The following RAB2A variants were observed in gnomAD, a reference collection of about 807,000 sequenced individuals.
RAB2A encodes the protein RAB2A, member RAS oncogene family, also known as ras-related protein Rab-2A.
Under a neutral mutation model 32.5 loss-of-function variants are expected in RAB2A, and 7 were observed. That is an observed-to-expected ratio of 0.22 (90% CI 0.12 to 0.40). The LOEUF (loss-of-function observed/expected upper bound fraction) is 0.40. Among genes scored for constraint, RAB2A ranks in the 10% least tolerant of loss-of-function variants. The pLI is 1.00. For synonymous variants in RAB2A, 79 were observed against 85.2 expected (o/e 0.93, Z 0.40); for missense variants, 108 against 260.7 (o/e 0.41, Z 4.03).
At chr8:60,551,655 A>G (rs768686680) in intron 1 of RAB2A, among the ~76,000 whole-genome samples, 4 of 152,178 alleles carry the variant, frequency 2.6e-5, no homozygotes, top group Non-Finnish European at 5.9e-5. Context: ...AGTGACATTC[A>G]GTAGAAACTG....
At chr8:60,576,852 G>T (rs1586092863) in intron 3 of RAB2A, among the ~76,000 whole-genome samples, 1 of 152,070 alleles carries the variant, frequency 6.6e-6, no homozygotes, top group Non-Finnish European at 1.5e-5. Flanking sequence ...GAGTTGAGGG[G>T]CTTAGAGCTC....
At chr8:60,557,535 C>A (rs371046677) in intron 1 of RAB2A, among the ~76,000 whole-genome samples, 2 of 151,804 alleles carry the variant, frequency 1.3e-5, no homozygotes, top group Admixed American at 6.6e-5. Context: ...AACAAACAAA[C>A]AAAAAAAGAT....
At chr8:60,613,044 G>C (rs1804384704) in intron 6 of RAB2A, among the ~76,000 whole-genome samples, 1 of 152,178 alleles carries the variant, frequency 6.6e-6, no homozygotes, top group Non-Finnish European at 1.5e-5. Context: ...CTAGTCTGCT[G>C]TGCTTTTCAC....
At chr8:60,526,052 T>TATATATATATAA (rs1385463713) in intron 1 of RAB2A, among the ~76,000 whole-genome samples, 1 of 121,788 alleles carries the variant, frequency 8.2e-6, no homozygotes, top group Non-Finnish European at 1.7e-5. Context: ...TATATATATA[T>TATATATATATAA]ATATAAGTTT....
intron 5 of RAB2A, among the ~76,000 whole-genome samples, chr8:60,591,467 T>G (rs1803943022): frequency 1.3e-5 from 2 of 152,334 alleles, no homozygotes; most frequent in South Asian, 4.1e-4. Context: ...TTAATCACAT[T>G]CATAGAAACT....
chr8:60,590,531 ATATATATATATTT>A (rs1430312877), intron 5 of RAB2A, among the ~76,000 whole-genome samples: 1 of 146,410 alleles, frequency 6.8e-6, no homozygotes, highest in African/African-American at 2.5e-5. Context: ...ATACACAAAT[ATATATATATATTT>A]TATATATATA....
intron 2 of RAB2A, chr8:60,559,392 GCAA>G (rs1257506727): frequency 6.5e-6 from 1 of 153,196 alleles, no homozygotes; most frequent in African/African-American, 2.4e-5. Context: ...CAAGTGCCTG[GCAA>G]TGTGGAAAGT....
chr8:60,558,962 T>C (rs1157633370), intron 2 of RAB2A, 39 bp downstream of exon 2: 3 of 1,480,540 alleles, frequency 2.0e-6, no homozygotes, highest in Non-Finnish European at 1.9e-6. Context: ...CTAAAAGTTT[T>C]GGATAGTTTA....
intron 1 of RAB2A, among the ~76,000 whole-genome samples, chr8:60,526,708 G>A (rs1268187407): frequency 4.6e-5 from 7 of 152,136 alleles, no homozygotes; most frequent in Non-Finnish European, 7.4e-5. Flanking sequence ...GATGGTTCAC[G>A]CCTGTAATCC....
chr8:60,597,442 G>T (rs557221712), intron 6 of RAB2A, among the ~76,000 whole-genome samples: 2 of 152,228 alleles, frequency 1.3e-5, no homozygotes, highest in Admixed American at 6.5e-5. Context: ...AGGGCCTGTT[G>T]GGGGGTGGGG....
intron 1 of RAB2A, among the ~76,000 whole-genome samples, chr8:60,519,322 T>C (rs1479692283): frequency 6.6e-6 from 1 of 151,686 alleles, no homozygotes; most frequent in African/African-American, 2.4e-5. Flanking sequence ...TTTCTCGCCT[T>C]CTTTCCCGCT....
chr8:60,608,958 T>C (rs1404042046), intron 6 of RAB2A, among the ~76,000 whole-genome samples: 1 of 152,222 alleles, frequency 6.6e-6, no homozygotes, highest in Admixed American at 6.5e-5. Context: ...CTGTCATAAT[T>C]GTATCCTAAT....
intron 1 of RAB2A, among the ~76,000 whole-genome samples, chr8:60,521,766 G>T (rs113613662): frequency 1.3e-5 from 2 of 152,084 alleles, no homozygotes; most frequent in African/African-American, 2.4e-5. Context: ...GATTACAGGC[G>T]TCTGCCCCCA....
rs1293159641 is a variant in RAB2A, at chr8:60,547,189, G to A, written c.47-11663G>A. On this transcript the variant is annotated intron_variant, in intron 1 of 7. Coordinates refer to ENST00000262646, the MANE Select transcript of RAB2A (RefSeq NM_002865.3). The stretch of plus-strand genomic sequence containing the variant: ...TCAACCCTGAGTGGATACAGCACAT[G>A]TTTCAGAGAACACAGGGTTGGGGGT... 2.6e-5 allele frequency among the ~76,000 whole-genome samples: 4 copies of A among 152,014 alleles called. No homozygotes were observed. The South Asian group carries it at 8.3e-4, about 32-fold the overall frequency.
rs879271913 is a variant in RAB2A, at chr8:60,526,017, G to GCACATATATATATATATATA, written c.46+8764_46+8765insCACATATATATATATATATA. Among the ~76,000 whole-genome samples, 15 of 74,220 alleles carry GCACATATATATATATATATA rather than the reference G, an allele frequency of 2.0e-4. 1 individual carries two copies. Among genetic ancestry groups the GCACATATATATATATATATA allele is most frequent in the Admixed American group, 5.4e-4 (4 of 7,388 alleles). 48.7% of individuals were successfully genotyped at this position (74,220 alleles called of 152,430 possible). A position where few individuals can be genotyped will look rare whatever the true frequency, so the allele number is the denominator to read the frequency against. ...TGTCTATATGTATATATGTGTGTGT[G>GCACATATATATATATATATA]TACATATATATATATATATATATAT... On this transcript the variant is annotated intron_variant, in intron 1 of 7. Coordinates refer to ENST00000262646, the MANE Select transcript of RAB2A (RefSeq NM_002865.3).
Position 60,582,860 on chromosome 8 carries a change from T to C in RAB2A, c.187-1348T>C, listed in dbSNP as rs541457317. Reference sequence around the variant, plus strand: ...CCAATAATGGAACACTAGGCATAAATGGGTTAAAAACTCCCAGGCTCAAGC... The same window carrying C: ...CCAATAATGGAACACTAGGCATAAACGGGTTAAAAACTCCCAGGCTCAAGC... On this transcript the variant is annotated intron_variant, in intron 3 of 7. Coordinates refer to ENST00000262646, the MANE Select transcript of RAB2A (RefSeq NM_002865.3). Among the ~76,000 whole-genome samples the C allele has an allele frequency of 2.0e-5, 3 of 152,248 alleles. No homozygotes were observed. The East Asian group carries it at 5.8e-4, about 29-fold the overall frequency.
chr8:60,616,281 A>G (rs1460322032), intron 6 of RAB2A, among the ~76,000 whole-genome samples: 1 of 152,234 alleles, frequency 6.6e-6, no homozygotes, highest in Non-Finnish European at 1.5e-5. Flanking sequence ...GCAAAAAGGC[A>G]ATTTTTATGC....
intron 6 of RAB2A, among the ~76,000 whole-genome samples, chr8:60,608,574 TCTC>T (rs1225549074): frequency 4.2e-4 from 62 of 145,936 alleles, no homozygotes; most frequent in African/African-American, 1.5e-3. Context: ...TCCTTCTCCT[TCTC>T]CTCCTCTCCC....
rs115465202 is a variant in RAB2A, at chr8:60,570,127, G to C, written c.119-1919G>C. 4.9e-3 allele frequency: 2,166 copies of C among 439,674 alleles called. 45 individuals are homozygous for C. Among genetic ancestry groups the C allele is most frequent in the African/African-American group, 0.037 (1,859 of 49,770 alleles). 27.2% of individuals were successfully genotyped at this position (439,674 alleles called of 1,614,324 possible). A position where few individuals can be genotyped will look rare whatever the true frequency, so the allele number is the denominator to read the frequency against. On this transcript the variant is annotated intron_variant, in intron 2 of 7. Transcript: ENST00000262646. ...AGAGAGGGAGCATCTGCTTGCTGTTGCTAGCCTTGCCTTCCTTACCTGCTC... is the reference window on the plus strand; with the variant it reads ...AGAGAGGGAGCATCTGCTTGCTGTTCCTAGCCTTGCCTTCCTTACCTGCTC...
Sources: allele counts gnomAD v4.1 joint callset (sites outside exome capture counted in the v4.1 genomes callset), GRCh38; gene constraint gnomAD v4.1.1; transcripts MANE v1.5; gene names NCBI Gene and HGNC (gene_info 2026-07-23, HGNC 2026-07-21).